FZD6: variants seen among roughly 807,000 people sequenced by gnomAD.
The protein encoded by FZD6 is frizzled-6.
FZD6 carries 49 observed loss-of-function variants against 61.4 expected under a neutral mutation model. The ratio of observed to expected loss-of-function variants is 0.80; its 90% CI spans 0.63 to 1.01. The LOEUF is 1.01. Among genes scored for constraint, FZD6 ranks in the 50% least tolerant of loss-of-function variants. The pLI is 0.00. For synonymous variants in FZD6, 265 were observed against 292.2 expected (o/e 0.91, Z 0.95); for missense variants, 724 against 848.2 (o/e 0.85, Z 1.82).
Position 103,325,191 on chromosome 8 carries a change from A to G in FZD6, c.1085A>G (p.Tyr362Cys). ...NISGVCFVGL[Y>C]DLDASRYFVL... Reference sequence around the variant, plus strand: ...AGTGGAGTTTGCTTTGTTGGCCTTTATGACCTGGATGCTTCTCGCTACTTT... The same window carrying G: ...AGTGGAGTTTGCTTTGTTGGCCTTTGTGACCTGGATGCTTCTCGCTACTTT... The change falls in exon 4 of 7, where the codon TAT (tyrosine) becomes TGT (cysteine). Residue 362 changes from tyrosine (Y) to cysteine (C), a missense_variant. By Grantham distance (194) the Tyr-to-Cys change is radical (BLOSUM62 -2). Transcript: ENST00000358755. The G allele has an allele frequency of 1.2e-6, 2 of 1,614,186 alleles. No individual in the cohort carries two copies. Among genetic ancestry groups the G allele is most frequent in the Non-Finnish European group, 1.7e-6 (2 of 1,180,024 alleles).
At chr8:103,307,673 T>A (rs182570687) in intron 2 of FZD6, 1 of 438,696 alleles carries the variant, frequency 2.3e-6, no homozygotes, top group South Asian at 1.6e-5. Flanking sequence ...CTCTTAATTC[T>A]TTTAACTCTG....
chr8:103,329,296 CCTTTT>C (rs1477285266), intron 5 of FZD6, among the ~76,000 whole-genome samples: 4 of 151,300 alleles, frequency 2.6e-5, no homozygotes, highest in South Asian at 2.1e-4. Context: ...TATTCTCTAT[CCTTTT>C]CTTCTGGTTT....
chr8:103,299,901 C>A, intron 1 of FZD6, 55 bp from the exon 2 acceptor site: 1 of 532,658 alleles, frequency 1.9e-6, no homozygotes, highest in Non-Finnish European at 3.4e-6. Context: ...CACTTTGACT[C>A]CACATTTGAG....
intron 3 of FZD6, among the ~76,000 whole-genome samples, chr8:103,320,697 G>A (rs942989631): frequency 1.3e-5 from 2 of 152,062 alleles, no homozygotes; most frequent in Non-Finnish European, 2.9e-5. Flanking sequence ...GAGATAGTGT[G>A]TACTTGCAGG....
intron 2 of FZD6, among the ~76,000 whole-genome samples, chr8:103,300,759 A>C (rs1814142427): frequency 6.6e-6 from 1 of 152,154 alleles, no homozygotes; most frequent in African/African-American, 2.4e-5. Flanking sequence ...TGTAGACTGT[A>C]TTTTAAGGCT....
chr8:103,311,112 C>T (rs1384395756), intron 2 of FZD6, among the ~76,000 whole-genome samples: 2 of 152,274 alleles, frequency 1.3e-5, no homozygotes, highest in Admixed American at 1.3e-4. Flanking sequence ...GGAACTGGGG[C>T]ATAGCTAAGG....
intron 2 of FZD6, among the ~76,000 whole-genome samples, chr8:103,307,020 G>A (rs1814354370): frequency 6.6e-6 from 1 of 152,242 alleles, no homozygotes; most frequent in East Asian, 1.9e-4. Flanking sequence ...TTGTTCACTG[G>A]TGATGTGGCT....
chr8:103,299,839 T>C lies in FZD6; in HGVS notation c.-152-117T>C, dbSNP rs149401934. On this transcript the variant is annotated intron_variant, in intron 1 of 6. Transcript: ENST00000358755. ...GGAAGAGTATCTCGTTAGGACAGAA[T>C]TTTCCGTTGTTTTTCCAGTGTTTGT... is the stretch of plus-strand genomic sequence containing the variant. 2.0e-3 allele frequency: 852 copies of C among 421,528 alleles called. 1 individual carries two copies. Among genetic ancestry groups the C allele is most frequent in the Non-Finnish European group, 2.9e-3 (647 of 224,672 alleles). 26.1% of individuals were successfully genotyped at this position (421,528 alleles called of 1,614,324 possible).
Position 103,300,159 on chromosome 8 carries a change from G to A in FZD6, c.52G>A (p.Gly18Arg). 1.2e-6 allele frequency: 2 copies of A among 1,604,664 alleles called. No individual in the cohort carries two copies. Among genetic ancestry groups the A allele is most frequent in the Non-Finnish European group, 8.5e-7 (1 of 1,171,366 alleles). The change falls in exon 2 of 7, where the codon GGG becomes AGG. Residue 18 changes from glycine (G) to arginine (R), a missense_variant. Physicochemically the swap from Gly to Arg is moderately radical, Grantham distance 125 (BLOSUM62 -2). Transcript: ENST00000358755. ...LTCIFLPLLR[G>R]HSLFTCEPIT... ...GTGTATTTTTCTACCCCTCCTAAGA[G>A]GGCACAGTCTCTTCACCTGTGAACC...
At position 103,329,749 on chromosome 8, in the gene FZD6, C is replaced by G; in HGVS notation, c.1636C>G (p.Pro546Ala). 6.2e-7 allele frequency: 1 copy of G among 1,613,546 alleles called. No homozygotes were observed. Among genetic ancestry groups the G allele is most frequent in the Non-Finnish European group, 8.5e-7 (1 of 1,179,560 alleles). The change falls in exon 6 of 7, where the codon CCA becomes GCA. Residue 546 changes from proline (P) to alanine (A), a missense_variant. By Grantham distance (27) the Pro-to-Ala change is conservative. Coordinates refer to ENST00000358755, the MANE Select transcript of FZD6 (RefSeq NM_003506.4). ...TAAACACAAAAAGAAGCACTATAAACCAAGTTCACACAAGCTGAAGGTCAT... is the reference window on the plus strand; with the variant it reads ...TAAACACAAAAAGAAGCACTATAAAGCAAGTTCACACAAGCTGAAGGTCAT... ...KVKHKKKHYK[P>A]SSHKLKVISK... is the part of the protein sequence containing the mutation.
chr8:103,321,499 C>T (rs1228135522), intron 3 of FZD6, among the ~76,000 whole-genome samples: 2 of 152,276 alleles, frequency 1.3e-5, no homozygotes, highest in African/African-American at 2.4e-5. Flanking sequence ...GATTAAAACA[C>T]AAAATCTAGC....
chr8:103,318,475 T>G (rs1278036176), intron 2 of FZD6, 115 bp from the exon 3 acceptor site: 1 of 705,110 alleles, frequency 1.4e-6, no homozygotes, highest in Non-Finnish European at 2.5e-6. Context: ...AGAGGGAGAT[T>G]TAAAGATTCT....
intron 3 of FZD6, among the ~76,000 whole-genome samples, chr8:103,321,888 C>T (rs568968196): frequency 6.6e-6 from 1 of 152,170 alleles, no homozygotes; most frequent in South Asian, 2.1e-4. Flanking sequence ...ACCATACCAC[C>T]TGAGAGTCTG....
At chr8:103,306,889 G>C (rs189366129) in intron 2 of FZD6, among the ~76,000 whole-genome samples, 44 of 151,970 alleles carry the variant, frequency 2.9e-4, no homozygotes, top group Non-Finnish European at 6.2e-4. Flanking sequence ...CTTTGTTTTT[G>C]GTGCCAATTT....
At chr8:103,323,336 T>C (rs1047870001) in intron 3 of FZD6, among the ~76,000 whole-genome samples, 7 of 16,228 alleles carry the variant, frequency 4.3e-4, no homozygotes, top group African/African-American at 3.9e-3. Context: ...TTAATAAAGC[T>C]GGTAGTTTTT....
At chr8:103,302,917 C>T (rs1814214056) in intron 2 of FZD6, among the ~76,000 whole-genome samples, 1 of 152,140 alleles carries the variant, frequency 6.6e-6, no homozygotes, top group Admixed American at 6.5e-5. Flanking sequence ...ATGATCGTTC[C>T]ACTGCACTCC....
chr8:103,302,421 AAT>A (rs1814198157), intron 2 of FZD6, among the ~76,000 whole-genome samples: 3 of 152,202 alleles, frequency 2.0e-5, no homozygotes, highest in Admixed American at 2.0e-4. Flanking sequence ...AAATAAATAA[AAT>A]GTGTAGGATT....
At chr8:103,324,146 C>T (rs1814869881) in intron 3 of FZD6, among the ~76,000 whole-genome samples, 1 of 152,050 alleles carries the variant, frequency 6.6e-6, no homozygotes, top group African/African-American at 2.4e-5. Context: ...TGGAGCCTAC[C>T]AATTAAGATA....
chr8:103,309,484 G>C (rs1814434968), intron 2 of FZD6, among the ~76,000 whole-genome samples: 1 of 152,180 alleles, frequency 6.6e-6, no homozygotes. Flanking sequence ...TGTTACCCCT[G>C]AATATGTTTC....
Sources: allele counts gnomAD v4.1 joint callset (sites outside exome capture counted in the v4.1 genomes callset), GRCh38; gene constraint gnomAD v4.1.1; transcripts MANE v1.5; gene names NCBI Gene and HGNC (gene_info 2026-07-23, HGNC 2026-07-21).